Variants in APLP2 observed in about 807,000 individuals in gnomAD.
APLP2 encodes amyloid beta precursor like protein 2.
In APLP2, 53 loss-of-function variants were observed where a neutral mutation model predicts 89.9. The ratio of observed to expected loss-of-function variants is 0.59; its 90% confidence interval spans 0.47 to 0.74. The LOEUF (loss-of-function observed/expected upper bound fraction) is 0.74, where lower values mean the gene tolerates loss of function less well. Among genes scored for constraint, APLP2 ranks in the 30% least tolerant of loss-of-function variants. The pLI is 0.00. For synonymous variants in APLP2, 372 were observed against 348.6 expected, an observed-to-expected ratio of 1.07 and a Z score of -0.75; for missense variants, 973 against 975.9, an observed-to-expected ratio of 1.00 and a Z score of 0.04.
At chr11:130,085,342 C>A (rs1264937201) in intron 1 of APLP2, among the ~76,000 whole-genome samples, 1 of 152,148 alleles carries the variant, frequency 6.6e-6, no homozygotes, top group Non-Finnish European at 1.5e-5. Context: ...ATCCCAGCTA[C>A]TCCGGAGGCT....
In APLP2 at chr11:130,134,949, T is replaced by C. The variant is rs547687097; in HGVS notation, c.1685-614T>C. On this transcript the variant is annotated intron_variant, in intron 12 of 16. Coordinates refer to ENST00000338167, the MANE Select transcript of APLP2 (RefSeq NM_001142276.2). ...AGATAGAAATTTCTGTTGGATGTTA[T>C]GTGGGGATGTAGGATTTAGGTGAGG... Among the ~76,000 whole-genome samples, 5 of 152,260 alleles carry C rather than the reference T, an allele frequency of 3.3e-5. No individual in the cohort carries two copies. In the East Asian group the frequency reaches 7.7e-4, roughly 24 times the overall value.
intron 1 of APLP2, among the ~76,000 whole-genome samples, chr11:130,083,351 T>C (rs575549079): frequency 1.3e-5 from 2 of 150,716 alleles, no homozygotes; most frequent in Non-Finnish European, 2.9e-5. Context: ...CATTTTTTTT[T>C]TGTGGTAAGA....
intron 1 of APLP2, chr11:130,070,692 C>T (rs746178399): frequency 5.4e-6 from 8 of 1,478,260 alleles, no homozygotes; most frequent in African/African-American, 1.5e-5. Context: ...CGCGGACGCG[C>T]ATTTTTTAAG....
Position 130,141,720 on chromosome 11 carries a change from G to A in APLP2, c.1998+148G>A. 2 of 932,698 alleles carry A rather than the reference G, an allele frequency of 2.1e-6. No individual in the cohort carries two copies. The highest frequency in any genetic ancestry group is 3.2e-6 in the Non-Finnish European group (2 of 628,068). 57.8% of individuals were successfully genotyped at this position (932,698 alleles called of 1,614,324 possible). A position where few individuals can be genotyped will look rare whatever the true frequency, so the allele number is the denominator to read the frequency against. ...GCTTTCCGTACTTTTGGATAAGAAA[G>A]CTAAAATTAAAATCTCCATGGAGAT... On this transcript the variant is annotated intron_variant, in intron 15 of 16. Coordinates refer to ENST00000338167, the MANE Select transcript of APLP2 (RefSeq NM_001142276.2). The surrounding 1 kb of genome is among the most constrained non-coding windows in gnomAD (Gnocchi z 4.2).
At chr11:130,074,556 G>C (rs10736581) in intron 1 of APLP2, among the ~76,000 whole-genome samples, 126,119 of 152,232 alleles carry the variant, frequency 0.83, 52,889 homozygotes, top group African/African-American at 0.95. Flanking sequence ...ACTAAATTTT[G>C]AGGCTTTTGG....
At chr11:130,140,718 T>C (rs982856363) in intron 14 of APLP2, 2 of 321,960 alleles carry the variant, frequency 6.2e-6, no homozygotes, top group Non-Finnish European at 1.1e-5. Flanking sequence ...AGTAGGAAAA[T>C]ATATTTACAA....
chr11:130,119,405 A>T (rs1302444918), intron 3 of APLP2, among the ~76,000 whole-genome samples: 1 of 152,124 alleles, frequency 6.6e-6, no homozygotes, highest in African/African-American at 2.4e-5. Flanking sequence ...GTATATTTCT[A>T]ACTTTTTATT....
chr11:130,101,135 A>AC (rs60908495), intron 1 of APLP2, among the ~76,000 whole-genome samples: 32,976 of 152,114 alleles, frequency 0.22, 4,809 homozygotes, highest in East Asian at 0.43. Context: ...ATATGTGTAC[A>AC]ATGGGGCTTT....
At chr11:130,074,639 A>G (rs1348908509) in intron 1 of APLP2, among the ~76,000 whole-genome samples, 1 of 152,204 alleles carries the variant, frequency 6.6e-6, no homozygotes, top group African/African-American at 2.4e-5. Context: ...TTAAAAGTAC[A>G]GATAACCAAT....
intron 1 of APLP2, among the ~76,000 whole-genome samples, chr11:130,080,242 T>C (rs1337974973): frequency 6.6e-6 from 1 of 152,162 alleles, no homozygotes; most frequent in African/African-American, 2.4e-5. Context: ...GACGGAATCT[T>C]ACCCTGTTGA....
intron 4 of APLP2, among the ~76,000 whole-genome samples, chr11:130,121,127 C>T (rs543064030): frequency 1.3e-5 from 2 of 152,268 alleles, no homozygotes; most frequent in African/African-American, 4.8e-5. Flanking sequence ...GCATGGAAAT[C>T]GCCAGTGATA....
intron 1 of APLP2, among the ~76,000 whole-genome samples, chr11:130,106,456 G>A (rs1333241296): frequency 6.6e-6 from 1 of 152,296 alleles, no homozygotes; most frequent in South Asian, 2.1e-4. Flanking sequence ...ACTAGAGAAA[G>A]CATCAGAGCT....
intron 1 of APLP2, among the ~76,000 whole-genome samples, chr11:130,071,608 C>G (rs1276732550): frequency 6.6e-6 from 1 of 152,212 alleles, no homozygotes; most frequent in Non-Finnish European, 1.5e-5. Context: ...ACTGCTATGA[C>G]TAATTTGAGG....
chr11:130,103,931 G>A (rs551486338), intron 1 of APLP2, among the ~76,000 whole-genome samples: 7 of 152,266 alleles, frequency 4.6e-5, no homozygotes, highest in South Asian at 4.1e-4. Context: ...GAGTTCATTC[G>A]TAGCAGGTTT....
At position 130,109,410 on chromosome 11, in the gene APLP2, A is replaced by T. The variant is rs201337010; in HGVS notation, c.106-19A>T. On this transcript the variant is annotated intron_variant, in intron 1 of 16. Transcript: ENST00000338167. ...CTAGCCTTCTTGGAGTAAACCTGCA[A>T]TTTTTTTCCCTTTGGTAGGCTCTTG... 1.2e-4 allele frequency: 195 copies of T among 1,602,380 alleles called. No homozygotes were observed. Among genetic ancestry groups the T allele is most frequent in the Non-Finnish European group, 1.6e-4 (192 of 1,174,744 alleles).
At chr11:130,142,495 T>C (rs1025292361) in intron 16 of APLP2, among the ~76,000 whole-genome samples, 4 of 152,216 alleles carry the variant, frequency 2.6e-5, no homozygotes, top group African/African-American at 9.6e-5. Flanking sequence ...CACTCCTTAG[T>C]GAACAGTGGG....
At chr11:130,086,746 C>T (rs1475302114) in intron 1 of APLP2, among the ~76,000 whole-genome samples, 2 of 152,208 alleles carry the variant, frequency 1.3e-5, no homozygotes, top group Non-Finnish European at 2.9e-5. Flanking sequence ...AAGTTGCTAT[C>T]CAGTCTCTGC....
At chr11:130,124,685 G>T (rs1950185054) in intron 7 of APLP2, among the ~76,000 whole-genome samples, 1 of 152,168 alleles carries the variant, frequency 6.6e-6, no homozygotes. Context: ...ATGCCTTCAT[G>T]TTCCCTCTTC....
At chr11:130,070,756 A>G (rs1158870230) in intron 1 of APLP2, 64 of 1,422,860 alleles carry the variant, frequency 4.5e-5, no homozygotes, top group Non-Finnish European at 5.3e-5. Context: ...GGGTGCGTTG[A>G]CCGCTTTCGT....
Sources: allele counts gnomAD v4.1 joint callset (sites outside exome capture counted in the v4.1 genomes callset), GRCh38; gene constraint gnomAD v4.1.1; non-coding constraint Gnocchi (gnomAD v3.1); transcripts MANE v1.5; gene names NCBI Gene and HGNC (gene_info 2026-07-23, HGNC 2026-07-21).